Variants in AXDND1 observed in about 807,000 individuals in gnomAD.
AXDND1 encodes axonemal dynein light chain domain containing 1, also known as axonemal dynein light chain domain-containing protein 1.
Under a neutral mutation model 137.5 loss-of-function variants are expected in AXDND1, and 110 were observed. The observed-to-expected ratio is 0.80, with a 90% CI of 0.69 to 0.94. The LOEUF is 0.94. Among genes scored for constraint, AXDND1 ranks in the 40% least tolerant of loss-of-function variants. AXDND1 has a pLI of 0.00. For synonymous variants in AXDND1, 414 were observed against 399.7 expected, an observed-to-expected ratio of 1.04 and a Z score of -0.43; for missense variants, 1,191 against 1,169.8, an observed-to-expected ratio of 1.02 and a Z score of -0.26.
rs570387006 is a variant in AXDND1, at chr1:179,481,327, G to A, written c.1998-1801G>A. On this transcript the variant is annotated intron_variant, in intron 17 of 25. Transcript: ENST00000367618. ...AGGACGTGAACTCATCATTTTTTAC[G>A]GCTGCATAGTATTCCATGGTGTATA... Among the ~76,000 whole-genome samples the A allele has an allele frequency of 3.0e-4, 46 of 151,632 alleles. No individual in the cohort carries two copies. The East Asian group carries it at 5.4e-3, about 18-fold the overall frequency.
In AXDND1 at chr1:179,368,814, A is replaced by C. The variant is rs1339502647; in HGVS notation, c.112A>C (p.Lys38Gln). 6.2e-7 allele frequency: 1 copy of C among 1,611,520 alleles called. No homozygotes were observed. The highest frequency in any genetic ancestry group is 8.5e-7 in the Non-Finnish European group (1 of 1,179,152). ...KEGTRGLPEL[K>Q]EKKNMVDRSK... ...TACTTACTTAGGACTTCCTGAGCTA[A>C]AGGAGAAAAAAAATATGGTGGATCG... Residue 38 changes from lysine to glutamine, a missense_variant, in exon 3 of 26, where the codon AAG (lysine) becomes CAG (glutamine). Transcript: ENST00000367618.
intron 15 of AXDND1, among the ~76,000 whole-genome samples, chr1:179,443,424 T>C (rs1321607325): frequency 6.6e-6 from 1 of 152,224 alleles, no homozygotes; most frequent in Admixed American, 6.5e-5. Flanking sequence ...TTTACCATTT[T>C]AATCATTTTT....
At chr1:179,475,525 A>G (rs4631647) in intron 17 of AXDND1, among the ~76,000 whole-genome samples, 69,482 of 152,176 alleles carry the variant, frequency 0.46, 16,752 homozygotes, top group East Asian at 0.76. Flanking sequence ...TCAGACTTGC[A>G]TGGGGCCTGT....
chr1:179,479,844 T>A lies in AXDND1; in HGVS notation c.1998-3284T>A, dbSNP rs1259877844. 2.0e-5 allele frequency among the ~76,000 whole-genome samples: 3 copies of A among 152,318 alleles called. No individual in the cohort carries two copies. The East Asian group carries it at 5.8e-4, about 29-fold the overall frequency. ...TTCTAAATAATCTCTCTCAAGCTCATAGTTCCACAAATCTCTAAGACAGGG... is the reference window on the plus strand; with the variant it reads ...TTCTAAATAATCTCTCTCAAGCTCAAAGTTCCACAAATCTCTAAGACAGGG... On this transcript the variant is annotated intron_variant, in intron 17 of 25. Transcript: ENST00000367618.
At chr1:179,369,823 T>G in intron 3 of AXDND1, 152 bp from the exon 4 acceptor site, 1 of 553,048 alleles carries the variant, frequency 1.8e-6, no homozygotes. Context: ...GTTTTAGTCT[T>G]TATGTCATTT....
chr1:179,447,629 G>A lies in AXDND1; in HGVS notation c.1798+2425G>A, dbSNP rs891030088. 5.5e-6 allele frequency: 7 copies of A among 1,268,016 alleles called. No homozygotes were observed. The East Asian group carries it at 1.2e-4, about 21-fold the overall frequency. The allele number at this position is 1,268,016 out of a possible 1,614,324, so 78.5% of individuals were successfully genotyped here. On this transcript the variant is annotated intron_variant, in intron 16 of 25. Coordinates refer to ENST00000367618, the MANE Select transcript of AXDND1 (RefSeq NM_144696.6). ...GGTGTCATGCCCTTGCTTGAAGCGG[G>A]GATGACAACTCGAAGATCTGGTTTT...
At chr1:179,395,604 C>T (rs1371896980) in intron 11 of AXDND1, among the ~76,000 whole-genome samples, 2 of 152,116 alleles carry the variant, frequency 1.3e-5, no homozygotes, top group Non-Finnish European at 2.9e-5. Flanking sequence ...ATAATATTAC[C>T]TACCTCATAG....
chr1:179,534,850 G>A lies in AXDND1; in HGVS notation c.2919G>A (p.Glu973=). The change falls in exon 25 of 26, where the codon GAG becomes GAA. Residue 973 remains glutamate (E), a synonymous_variant. Coordinates refer to ENST00000367618, the MANE Select transcript of AXDND1 (RefSeq NM_144696.6). ...LEELVMTSRK[E]SKEEKENQDE... Reference sequence around the variant, plus strand: ...AATTAGTCATGACATCAAGAAAGGAGTCTAAAGAAGAGAAAGAAAATCAAG... The same window carrying A: ...AATTAGTCATGACATCAAGAAAGGAATCTAAAGAAGAGAAAGAAAATCAAG... 5 of 1,611,554 alleles carry A rather than the reference G, an allele frequency of 3.1e-6. No homozygotes were observed. The highest frequency in any genetic ancestry group is 1.3e-5 in the African/African-American group (1 of 74,782).
At chr1:179,494,200 C>T (rs1259161960) in intron 20 of AXDND1, among the ~76,000 whole-genome samples, 4 of 152,154 alleles carry the variant, frequency 2.6e-5, no homozygotes, top group Non-Finnish European at 1.5e-5. Context: ...GATCCGCCCT[C>T]CTCAGCCTCC....
At chr1:179,495,386 T>G (rs2125592531) in intron 20 of AXDND1, among the ~76,000 whole-genome samples, 1 of 152,248 alleles carries the variant, frequency 6.6e-6, no homozygotes, top group Admixed American at 6.5e-5. Flanking sequence ...GTTTTCAGTG[T>G]ATAGATCTTA....
At chr1:179,440,764 G>A (rs1040133966) in intron 15 of AXDND1, among the ~76,000 whole-genome samples, 3 of 152,186 alleles carry the variant, frequency 2.0e-5, no homozygotes, top group Admixed American at 2.0e-4. Flanking sequence ...ACTTGTTGAA[G>A]TCTTAAAAAT....
intron 16 of AXDND1, chr1:179,448,414 T>C (rs12724496): frequency 0.3 from 178,569 of 597,146 alleles, 28,331 homozygotes; most frequent in Non-Finnish European, 0.32. Context: ...CCATTATGCA[T>C]GTGATTTGTA....
intron 25 of AXDND1, among the ~76,000 whole-genome samples, chr1:179,553,912 A>ATTTT (rs11422639): frequency 2.3e-5 from 3 of 131,870 alleles, no homozygotes; most frequent in Admixed American, 7.8e-5. Flanking sequence ...CCCCTGGCTA[A>ATTTT]TTTTTTTTTT....
intron 20 of AXDND1, among the ~76,000 whole-genome samples, chr1:179,503,972 A>G (rs1451359008): frequency 6.6e-6 from 1 of 152,230 alleles, no homozygotes; most frequent in African/African-American, 2.4e-5. Context: ...CCAGATGAGT[A>G]TAGAGAAAAT....
chr1:179,516,622 C>A (rs1306015885), intron 21 of AXDND1, among the ~76,000 whole-genome samples: 2 of 152,160 alleles, frequency 1.3e-5, no homozygotes, highest in African/African-American at 4.8e-5. Context: ...GTCTTTTGTT[C>A]AGATTCTTTT....
chr1:179,458,341 A>G (rs976407442), intron 16 of AXDND1, among the ~76,000 whole-genome samples: 10 of 152,170 alleles, frequency 6.6e-5, no homozygotes, highest in Non-Finnish European at 1.5e-4. Context: ...TAAAGAACAT[A>G]TAATTTTAAG....
chr1:179,488,635 C>CTTTCTTTCTTTCTTTCTT (rs1558256410), intron 18 of AXDND1, among the ~76,000 whole-genome samples: 3,483 of 25,808 alleles, frequency 0.13, 444 homozygotes, highest in East Asian at 0.2. Context: ...TCTCTCTCTC[C>CTTTCTTTCTTTCTTTCTT]TTTCTTTCTT....
rs190860947 is a variant in AXDND1 at position 179,446,656 on chromosome 1, T to G, written c.1798+1452T>G. ...GTCTAACATAAATGTAAAACACCCT[T>G]TCACATACTCTAATGATTCTTTGCC... On this transcript the variant is annotated intron_variant, in intron 16 of 25. Coordinates refer to ENST00000367618, the MANE Select transcript of AXDND1 (RefSeq NM_144696.6). Among the ~76,000 whole-genome samples, 804 of 152,356 alleles carry G rather than the reference T, an allele frequency of 5.3e-3. 9 individuals are homozygous for G. The highest frequency in any genetic ancestry group is 0.019 in the African/African-American group (780 of 41,586).
chr1:179,466,296 T>C (rs1373100987), intron 16 of AXDND1, among the ~76,000 whole-genome samples: 1 of 147,472 alleles, frequency 6.8e-6, no homozygotes, highest in Non-Finnish European at 1.5e-5. Context: ...TTTTTTTTTT[T>C]TTTTTTTGAG....
Sources: gnomAD v4.1 joint callset for allele counts (sites outside exome capture counted in the v4.1 genomes callset) on GRCh38, gnomAD v4.1.1 for gene constraint, MANE v1.5 for transcripts, NCBI Gene and HGNC (gene_info 2026-07-23, HGNC 2026-07-21) for gene names.